Variants in FOXK2 observed in about 807,000 individuals in gnomAD.
FOXK2 encodes forkhead box protein K2.
Under a neutral mutation model 53.3 loss-of-function variants are expected in FOXK2, and 24 were observed. The observed-to-expected ratio is 0.45, with a 90% CI of 0.33 to 0.63. The LOEUF (loss-of-function observed/expected upper bound fraction) is 0.63, where lower values mean the gene tolerates loss of function less well. FOXK2 is among the 30% of genes least tolerant of loss of function. The probability of loss-of-function intolerance (pLI) is 0.03; values close to 1 mark genes in which losing one functional copy is unlikely to be tolerated. For missense variants in FOXK2, 952 were observed against 910.5 expected (o/e 1.05, Z -0.59); for synonymous variants, 505 against 407.1 (o/e 1.24, Z -2.89).
chr17:82,563,278 G>T, intron 1 of FOXK2, 76 bp from the exon 2 acceptor site: 1 of 1,391,168 alleles, frequency 7.2e-7, no homozygotes, highest in Non-Finnish European at 9.9e-7. Context: ...CTCCAGTGTT[G>T]TGGGGACATG....
intron 8 of FOXK2, among the ~76,000 whole-genome samples, chr17:82,597,380 T>C (rs1430599723): frequency 6.6e-6 from 1 of 152,180 alleles, no homozygotes; most frequent in African/African-American, 2.4e-5. Context: ...CGCCCTCTCT[T>C]GTGGCCCACC....
At chr17:82,561,371 G>A (rs2044791571) in intron 1 of FOXK2, among the ~76,000 whole-genome samples, 2 of 152,072 alleles carry the variant, frequency 1.3e-5, no homozygotes, top group Non-Finnish European at 2.9e-5. Context: ...TTGGGTATAT[G>A]TGTAGAGTTC....
At position 82,543,921 on chromosome 17, in the gene FOXK2, C is replaced by T. The variant is rs527608687; in HGVS notation, c.420-19433C>T. ...CCTCCCGAGCAGCTGGGACTACAGG[C>T]ACCCGCCACCACGCCTGGCTAATTT... is the stretch of plus-strand genomic sequence containing the variant. On this transcript the variant is annotated intron_variant, in intron 1 of 8. Coordinates refer to ENST00000335255, the MANE Select transcript of FOXK2 (RefSeq NM_004514.4). 5.3e-5 allele frequency among the ~76,000 whole-genome samples: 8 copies of T among 152,122 alleles called. No homozygotes were observed. In the South Asian group the frequency reaches 1.5e-3, roughly 28 times the overall value.
intron 4 of FOXK2, chr17:82,576,943 T>C: frequency 2.5e-6 from 1 of 399,068 alleles, no homozygotes; most frequent in South Asian, 2.7e-5. Context: ...GCAGATCACC[T>C]GTGGTTGGAG....
intron 4 of FOXK2, among the ~76,000 whole-genome samples, chr17:82,574,268 G>A (rs1467741978): frequency 1.3e-5 from 2 of 152,170 alleles, no homozygotes; most frequent in Non-Finnish European, 2.9e-5. Flanking sequence ...AATTAAGCGG[G>A]AGAGGGATTA....
In FOXK2 at chr17:82,581,883, A is replaced by G. The variant is rs192960905; in HGVS notation, c.910-858A>G. 5.7e-3 allele frequency among the ~76,000 whole-genome samples: 869 copies of G among 152,268 alleles called. 14 individuals carry two copies. Among genetic ancestry groups the G allele is most frequent in the African/African-American group, 0.02 (827 of 41,548 alleles). On this transcript the variant is annotated intron_variant, in intron 4 of 8. Transcript: ENST00000335255. ...GCCCGTCTGGCTTTTTGTAATAGAA[A>G]GAATGATGCACTGATGAGGAGCTGG...
intron 2 of FOXK2, among the ~76,000 whole-genome samples, chr17:82,566,660 G>T (rs1464599295): frequency 6.6e-6 from 1 of 152,194 alleles, no homozygotes; most frequent in African/African-American, 2.4e-5. Flanking sequence ...GGTGGGTGCA[G>T]GGGAAGGGTG....
intron 1 of FOXK2, among the ~76,000 whole-genome samples, chr17:82,550,642 A>C (rs2044667819): frequency 6.6e-6 from 1 of 151,774 alleles, no homozygotes; most frequent in South Asian, 2.1e-4. Flanking sequence ...AGCTGGGACT[A>C]CAGGCGCCCG....
At chr17:82,598,482 G>A (rs997589115) in intron 8 of FOXK2, among the ~76,000 whole-genome samples, 1 of 152,190 alleles carries the variant, frequency 6.6e-6, no homozygotes, top group Non-Finnish European at 1.5e-5. Context: ...TTGTGCTGCC[G>A]TAACAGAACA....
Position 82,520,426 on chromosome 17 carries a change from C to G in FOXK2, c.419+119C>G, listed in dbSNP as rs1050664747. The stretch of plus-strand genomic sequence containing the variant: ...GAGCGGGGGCCCGACTCTCCCACAG[C>G]CGGGACCACCAGCGGGACCCAGGCC... On this transcript the variant is annotated intron_variant, in intron 1 of 8. Coordinates refer to ENST00000335255, the MANE Select transcript of FOXK2 (RefSeq NM_004514.4). The G allele has an allele frequency of 6.7e-5, 59 of 877,184 alleles. No homozygotes were observed. The Middle Eastern group carries it at 4.1e-3, about 62-fold the overall frequency. The allele number at this position is 877,184 out of a possible 1,614,324, so 54.3% of individuals were successfully genotyped here.
At chr17:82,531,967 A>G (rs1007306098) in intron 1 of FOXK2, among the ~76,000 whole-genome samples, 1 of 151,816 alleles carries the variant, frequency 6.6e-6, no homozygotes, top group Non-Finnish European at 1.5e-5. Flanking sequence ...CAGCTTCCCG[A>G]GTAGCTGGGA....
At chr17:82,585,783 T>C in intron 6 of FOXK2, 121 bp from the exon 7 acceptor site, 1 of 949,880 alleles carries the variant, frequency 1.1e-6, no homozygotes, top group Non-Finnish European at 1.6e-6. Flanking sequence ...TGAGGTGAAA[T>C]AGGGCCATAT....
chr17:82,551,101 A>G (rs1050553160), intron 1 of FOXK2, among the ~76,000 whole-genome samples: 3 of 147,366 alleles, frequency 2.0e-5, no homozygotes, highest in Non-Finnish European at 4.5e-5. Context: ...GCGGATCACA[A>G]GCTCAGGAGA....
intron 1 of FOXK2, among the ~76,000 whole-genome samples, chr17:82,555,971 G>T (rs2044720811): frequency 6.9e-6 from 1 of 144,530 alleles, no homozygotes; most frequent in African/African-American, 2.5e-5. Flanking sequence ...GAACCCCCAC[G>T]CCTGTCATAT....
chr17:82,525,808 C>G (rs1432773803), intron 1 of FOXK2, among the ~76,000 whole-genome samples: 1 of 152,212 alleles, frequency 6.6e-6, no homozygotes, highest in Non-Finnish European at 1.5e-5. Context: ...AGAAGAGTGA[C>G]CCCTGTCCTA....
At chr17:82,573,794 ACT>A in intron 4 of FOXK2, among the ~76,000 whole-genome samples, 1 of 151,964 alleles carries the variant, frequency 6.6e-6, no homozygotes, top group East Asian at 1.9e-4. Context: ...GCTTTATTAG[ACT>A]CTAATGTGTT....
At chr17:82,545,310 G>A (rs2144080802) in intron 1 of FOXK2, among the ~76,000 whole-genome samples, 1 of 152,232 alleles carries the variant, frequency 6.6e-6, no homozygotes, top group South Asian at 2.1e-4. Context: ...AATTAGTTTT[G>A]TTTGCTTTTG....
rs749202883 is a variant in FOXK2 at position 82,533,216 on chromosome 17, G to A, written c.419+12909G>A. ...GATAAAATGTATAGTGCTGCCGGGCGTGGTGGCTCACGCCTGTAATCCCAG... is the reference window on the plus strand; with the variant it reads ...GATAAAATGTATAGTGCTGCCGGGCATGGTGGCTCACGCCTGTAATCCCAG... On this transcript the variant is annotated intron_variant, in intron 1 of 8. Transcript: ENST00000335255. Among the ~76,000 whole-genome samples, 97 of 152,322 alleles carry A rather than the reference G, an allele frequency of 6.4e-4. 1 individual carries two copies. Among genetic ancestry groups the A allele is most frequent in the South Asian group, 1.5e-3 (7 of 4,824 alleles).
intron 2 of FOXK2, among the ~76,000 whole-genome samples, chr17:82,564,916 G>A (rs2044837738): frequency 6.6e-6 from 1 of 151,930 alleles, no homozygotes; most frequent in Non-Finnish European, 1.5e-5. Flanking sequence ...TTTTAGTAGA[G>A]ATGGGGTTTC....
Sources: allele counts gnomAD v4.1 joint callset (sites outside exome capture counted in the v4.1 genomes callset), GRCh38; gene constraint gnomAD v4.1.1; transcripts MANE v1.5; gene names NCBI Gene and HGNC (gene_info 2026-07-23, HGNC 2026-07-21).